The following SEMA3D variants were observed in gnomAD, a reference collection of about 807,000 sequenced individuals.
The protein encoded by SEMA3D is semaphorin-3D.
SEMA3D carries 84 observed loss-of-function variants against 100.1 expected under a neutral mutation model. The observed-to-expected ratio is 0.84, with a 90% CI of 0.70 to 1.01. The LOEUF is 1.01. Among genes scored for constraint, SEMA3D ranks in the 50% least tolerant of loss-of-function variants. The probability of loss-of-function intolerance (pLI) is 0.00; values close to 1 mark genes in which losing one functional copy is unlikely to be tolerated. For synonymous variants in SEMA3D, 312 were observed against 320.7 expected (o/e 0.97, Z 0.29); for missense variants, 875 against 934.1 (o/e 0.94, Z 0.82).
the SEMA3D span, among the ~76,000 whole-genome samples, chr7:85,197,359 C>T: frequency 6.6e-6 from 1 of 152,158 alleles, no homozygotes; most frequent in Non-Finnish European, 1.5e-5. Context: ...AAATCTTAAC[C>T]TGAATGTTTC....
At chr7:85,061,497 T>A (rs954450624) in intron 8 of SEMA3D, among the ~76,000 whole-genome samples, 1 of 152,120 alleles carries the variant, frequency 6.6e-6, no homozygotes, top group Non-Finnish European at 1.5e-5. Flanking sequence ...AAATGATAAC[T>A]CTTTAGAATC....
chr7:85,126,406 TGTG>T (rs1562828140), intron 2 of SEMA3D, among the ~76,000 whole-genome samples: 1 of 124,438 alleles, frequency 8.0e-6, no homozygotes, highest in Non-Finnish European at 1.6e-5. Flanking sequence ...GTGTGTGTCG[TGTG>T]TGTGTGTGTG....
the SEMA3D span, among the ~76,000 whole-genome samples, chr7:85,216,199 A>G: frequency 1.3e-5 from 2 of 152,080 alleles, no homozygotes; most frequent in African/African-American, 4.8e-5. Context: ...ACACATTTTT[A>G]TTGAGGATAC....
chr7:85,037,802 CT>C (rs1167995336), intron 11 of SEMA3D, among the ~76,000 whole-genome samples: 1 of 151,928 alleles, frequency 6.6e-6, no homozygotes, highest in East Asian at 1.9e-4. Flanking sequence ...ATTCAGATGT[CT>C]TTTTTTGCTT....
chr7:85,137,741 C>T (rs571436845), intron 2 of SEMA3D, among the ~76,000 whole-genome samples: 1 of 152,078 alleles, frequency 6.6e-6, no homozygotes, highest in Non-Finnish European at 1.5e-5. Context: ...TATCCAAATC[C>T]CTTCTTTAAC....
chr7:85,062,654 A>T (rs988375014), intron 8 of SEMA3D, among the ~76,000 whole-genome samples: 2 of 152,316 alleles, frequency 1.3e-5, no homozygotes, highest in Non-Finnish European at 2.9e-5. Flanking sequence ...GGGTCATTAA[A>T]CCACTTGTAA....
the SEMA3D span, among the ~76,000 whole-genome samples, chr7:85,202,200 C>T: frequency 3.1e-5 from 3 of 96,988 alleles, no homozygotes; most frequent in Admixed American, 4.2e-4. Flanking sequence ...CAGTGCTATC[C>T]CTCCCCCCTC....
chr7:85,101,828 G>A (rs1362935094), intron 3 of SEMA3D, among the ~76,000 whole-genome samples: 3 of 151,902 alleles, frequency 2.0e-5, no homozygotes, highest in Non-Finnish European at 4.4e-5. Flanking sequence ...TTTTGAGTAT[G>A]ATTATTAAAC....
chr7:85,091,311 C>T (rs1353846010), intron 4 of SEMA3D, among the ~76,000 whole-genome samples: 3 of 152,058 alleles, frequency 2.0e-5, no homozygotes, highest in Non-Finnish European at 2.9e-5. Flanking sequence ...ATACGTCATT[C>T]TCTTTGTGAC....
chr7:85,036,826 A>G, intron 12 of SEMA3D, 63 bp downstream of exon 12: 1 of 1,342,320 alleles, frequency 7.4e-7, no homozygotes, highest in East Asian at 2.5e-5. Context: ...AATTTATTAC[A>G]ATTAAATTAA....
the SEMA3D span, among the ~76,000 whole-genome samples, chr7:85,229,006 C>T: frequency 6.6e-6 from 1 of 151,912 alleles, no homozygotes; most frequent in African/African-American, 2.4e-5. Flanking sequence ...GACATTGTTT[C>T]AATGATTTTT....
At chr7:85,167,512 A>G (rs969306466) in intron 1 of SEMA3D, 3 of 338,436 alleles carry the variant, frequency 8.9e-6, no homozygotes, top group Non-Finnish European at 1.3e-5. Flanking sequence ...CCATAAAATT[A>G]TCTTAATTTA....
At chr7:85,122,335 G>A (rs182906447) in intron 2 of SEMA3D, among the ~76,000 whole-genome samples, 57 of 151,784 alleles carry the variant, frequency 3.8e-4, no homozygotes, top group African/African-American at 1.1e-3. Context: ...TTTTCCCATC[G>A]CTCTTGTTTT....
chr7:85,142,349 T>C, intron 2 of SEMA3D: 4 of 933,644 alleles, frequency 4.3e-6, no homozygotes, highest in Non-Finnish European at 5.1e-6. Context: ...TGAATTTTAT[T>C]GCTTTAAAAT....
At chr7:85,107,606 C>A (rs1788968595) in intron 3 of SEMA3D, among the ~76,000 whole-genome samples, 1 of 151,996 alleles carries the variant, frequency 6.6e-6, no homozygotes, top group African/African-American at 2.4e-5. Context: ...TACGTATTGT[C>A]AATTTTTCCT....
At chr7:85,151,602 TG>T in intron 2 of SEMA3D, 8 of 171,332 alleles carry the variant, frequency 4.7e-5, no homozygotes, top group Non-Finnish European at 5.9e-5. Context: ...TGTATGCGTG[TG>T]TGTGTGTGTG....
rs557244535 is a variant in SEMA3D, at chr7:85,155,931, T to A, written c.-172-2192A>T. Among the ~76,000 whole-genome samples the A allele has an allele frequency of 7.4e-4, 112 of 152,280 alleles. No homozygotes were observed. In the South Asian group the frequency reaches 0.021, roughly 29 times the overall value. On this transcript the variant is annotated intron_variant, in intron 1 of 18. Coordinates refer to ENST00000284136, the MANE Select transcript of SEMA3D (RefSeq NM_001384900.1). ...ACACAATTCCCTTTATTTTAGCTGATGTGCTTTTAATTCCAAATGTGCACT... is the reference window on the plus strand; with the variant it reads ...ACACAATTCCCTTTATTTTAGCTGAAGTGCTTTTAATTCCAAATGTGCACT...
rs1562836159 is a variant in SEMA3D at position 85,150,369 on chromosome 7, T to TA, written c.-41+3238dup. Among the ~76,000 whole-genome samples, 51 of 94,718 alleles carry TA rather than the reference T, an allele frequency of 5.4e-4. 1 individual carries two copies. Among genetic ancestry groups the TA allele is most frequent in the African/African-American group, 1.5e-3 (39 of 25,442 alleles). The allele number at this position is 94,718 out of a possible 152,430, so 62.1% of individuals were successfully genotyped here. On this transcript the variant is annotated intron_variant, in intron 2 of 18. Transcript: ENST00000284136. ...GAAATATATATATATATATATATAT[T>TA]ATATATATATACACACACACATATA...
chr7:85,034,100 C>T (rs574334792), intron 12 of SEMA3D, among the ~76,000 whole-genome samples: 105 of 152,038 alleles, frequency 6.9e-4, no homozygotes, highest in African/African-American at 2.4e-3. Context: ...CTGTACCTGT[C>T]GGTGCCTGAC....
Sources: allele counts gnomAD v4.1 joint callset (sites outside exome capture counted in the v4.1 genomes callset), GRCh38; gene constraint gnomAD v4.1.1; transcripts MANE v1.5; gene names NCBI Gene and HGNC (gene_info 2026-07-23, HGNC 2026-07-21).